THSD4: variants seen among roughly 807,000 people sequenced by gnomAD.
THSD4 encodes thrombospondin type 1 domain containing 4, also known as thrombospondin type-1 domain-containing protein 4.
THSD4 carries 69 observed loss-of-function variants against 119.0 expected under a neutral mutation model. The ratio of observed to expected loss-of-function variants is 0.58; its 90% CI spans 0.48 to 0.71. The LOEUF is 0.71. Ranked by LOEUF, THSD4 falls within the 30% of genes least tolerant of loss-of-function variation. The pLI, the probability that THSD4 is intolerant of heterozygous loss-of-function variation, is 0.00. For missense variants in THSD4, 1,393 were observed against 1,391.1 expected, an observed-to-expected ratio of 1.00 and a Z score of -0.02; for synonymous variants, 524 against 540.4, an observed-to-expected ratio of 0.97 and a Z score of 0.42.
rs186574514 is a variant in THSD4, at chr15:71,216,670, G to A, written c.464+1271G>A. Among the ~76,000 whole-genome samples, 15 of 152,350 alleles carry A rather than the reference G, an allele frequency of 9.8e-5. No homozygotes were observed. The East Asian group carries it at 2.1e-3, about 22-fold the overall frequency. ...AGGAGAGAGGCAGCCCCAAAGGAAT[G>A]CTTCCTTCTCTCTCTCTTTCTACAT... is the stretch of plus-strand genomic sequence containing the variant. On this transcript the variant is annotated intron_variant, in intron 4 of 17. Transcript: ENST00000261862.
chr15:71,446,577 A>T (rs776860140), intron 7 of THSD4, among the ~76,000 whole-genome samples: 6 of 152,154 alleles, frequency 3.9e-5, no homozygotes, highest in Non-Finnish European at 8.8e-5. Context: ...ACATAGCAGG[A>T]TATTTTTGGC....
chr15:71,242,967 C>G lies in THSD4; in HGVS notation c.783C>G (p.His261Gln), dbSNP rs1270829658. 1 of 1,614,246 alleles carries G rather than the reference C, an allele frequency of 6.2e-7. No homozygotes were observed. Among genetic ancestry groups the G allele is most frequent in the Non-Finnish European group, 8.5e-7 (1 of 1,180,048 alleles). Residue 261 changes from histidine (H) to glutamine (Q), a missense_variant, in exon 5 of 18, where the codon CAC (histidine) becomes CAG (glutamine). By Grantham distance (24) the His-to-Gln change is conservative (BLOSUM62 0). Transcript: ENST00000261862. ...ACCCTGCAGCTTCAAGTCTCTTTCA[C>G]AGCCCAGAAACAAGCAACAACCACG... Reference protein sequence around the residue: ...QGYPAASSLFHSPETSNNHGV... With the variant: ...QGYPAASSLFQSPETSNNHGV...
chr15:71,299,976 A>AAAAAAAATATAT (rs1555462049), intron 6 of THSD4, among the ~76,000 whole-genome samples: 1 of 48,320 alleles, frequency 2.1e-5, no homozygotes, highest in Non-Finnish European at 3.8e-5. Context: ...AAAAAAAAAA[A>AAAAAAAATATAT]ATATATATAT....
chr15:71,345,793 GT>G (rs747035384), intron 6 of THSD4, among the ~76,000 whole-genome samples: 1 of 134,988 alleles, frequency 7.4e-6, no homozygotes, highest in East Asian at 2.2e-4. Context: ...TTCTTTGGGT[GT>G]TTTGTTTTTT....
At chr15:71,118,133 G>T (rs2040378598) in intron 1 of THSD4, among the ~76,000 whole-genome samples, 1 of 152,026 alleles carries the variant, frequency 6.6e-6, no homozygotes, top group South Asian at 2.1e-4. Flanking sequence ...CCAAGCAGAG[G>T]AAAGAGCTCG....
chr15:71,457,720 A>G (rs1050083649), intron 7 of THSD4, among the ~76,000 whole-genome samples: 4 of 152,200 alleles, frequency 2.6e-5, no homozygotes, highest in Non-Finnish European at 5.9e-5. Context: ...TCTTCTGACC[A>G]GCCTGTCTCC....
intron 7 of THSD4, among the ~76,000 whole-genome samples, chr15:71,609,744 C>T (rs1294973480): frequency 1.2e-4 from 18 of 149,308 alleles, no homozygotes; most frequent in East Asian, 2.0e-4. Context: ...CCCAGCTACT[C>T]GGGAGGCTGA....
intron 7 of THSD4, among the ~76,000 whole-genome samples, chr15:71,459,763 A>G (rs2047401832): frequency 1.3e-5 from 2 of 152,190 alleles, no homozygotes; most frequent in Admixed American, 6.5e-5. Flanking sequence ...TAACATTTTT[A>G]TTTTGTAAAG....
chr15:71,705,367 A>T (rs2052374408), intron 8 of THSD4, among the ~76,000 whole-genome samples: 1 of 152,216 alleles, frequency 6.6e-6, no homozygotes, highest in Non-Finnish European at 1.5e-5. Context: ...ACAGATAACC[A>T]GACCCACATT....
At chr15:71,651,518 C>A (rs1235406439) in intron 7 of THSD4, among the ~76,000 whole-genome samples, 1 of 152,152 alleles carries the variant, frequency 6.6e-6, no homozygotes, top group African/African-American at 2.4e-5. Flanking sequence ...TCCTCTCAGC[C>A]GTCCCTGGAG....
intron 3 of THSD4, among the ~76,000 whole-genome samples, chr15:71,200,202 T>C (rs936142972): frequency 1.3e-5 from 2 of 152,080 alleles, no homozygotes; most frequent in Non-Finnish European, 2.9e-5. Context: ...GCTTCTCACA[T>C]AGGTCTGTTG....
intron 7 of THSD4, among the ~76,000 whole-genome samples, chr15:71,639,681 AACT>A (rs1294918408): frequency 8.5e-5 from 13 of 152,210 alleles, no homozygotes; most frequent in African/African-American, 1.9e-4. Flanking sequence ...TATGTTAAAC[AACT>A]TATTAAATTG....
Position 71,389,361 on chromosome 15 carries a change from G to T in THSD4, c.1016-22326G>T, listed in dbSNP as rs1204766716. Among the ~76,000 whole-genome samples, 6 of 151,872 alleles carry T rather than the reference G, an allele frequency of 4.0e-5. No individual in the cohort carries two copies. The East Asian group carries it at 1.2e-3, about 29-fold the overall frequency. ...GAATTTGACTACTCTAGGTACCTCC[G>T]AGCAGCAGAATCATATGTTATTTGT... On this transcript the variant is annotated intron_variant, in intron 6 of 17. Coordinates refer to ENST00000261862, the MANE Select transcript of THSD4 (RefSeq NM_024817.3).
At chr15:71,735,270 C>T (rs2053060065) in intron 10 of THSD4, among the ~76,000 whole-genome samples, 1 of 152,190 alleles carries the variant, frequency 6.6e-6, no homozygotes, top group African/African-American at 2.4e-5. Flanking sequence ...TTCCAGTCTG[C>T]ATGGGGGGCA....
At chr15:71,449,486 G>T (rs1445595169) in intron 7 of THSD4, among the ~76,000 whole-genome samples, 1 of 152,156 alleles carries the variant, frequency 6.6e-6, no homozygotes, top group East Asian at 1.9e-4. Context: ...AAATATGGAG[G>T]TGATAATAAA....
intron 7 of THSD4, among the ~76,000 whole-genome samples, chr15:71,623,180 A>G (rs2050449059): frequency 1.3e-5 from 2 of 152,232 alleles, no homozygotes; most frequent in African/African-American, 4.8e-5. Context: ...TGTTAGGAAC[A>G]CCAATTTCTA....
At chr15:71,706,300 C>T (rs1165905815) in intron 8 of THSD4, among the ~76,000 whole-genome samples, 1 of 152,028 alleles carries the variant, frequency 6.6e-6, no homozygotes, top group African/African-American at 2.4e-5. Context: ...ACCCAGAGGT[C>T]TCCAGCCTGA....
chr15:71,218,011 T>C (rs1309951973), intron 4 of THSD4, among the ~76,000 whole-genome samples: 1 of 151,978 alleles, frequency 6.6e-6, no homozygotes, highest in African/African-American at 2.4e-5. Flanking sequence ...GGCCTCGAAC[T>C]CCTGCCCGCT....
intron 16 of THSD4, among the ~76,000 whole-genome samples, chr15:71,765,802 G>A (rs1380592428): frequency 2.0e-5 from 3 of 151,874 alleles, no homozygotes; most frequent in African/African-American, 7.3e-5. Flanking sequence ...GTGTGTGTGT[G>A]TGTGTGTGTG....
Sources: allele counts gnomAD v4.1 joint callset (sites outside exome capture counted in the v4.1 genomes callset), GRCh38; gene constraint gnomAD v4.1.1; transcripts MANE v1.5; gene names NCBI Gene and HGNC (gene_info 2026-07-23, HGNC 2026-07-21).